ZPBP: variants seen among roughly 807,000 people sequenced by gnomAD.
ZPBP encodes zona pellucida-binding protein 1.
ZPBP carries 26 observed loss-of-function variants against 44.8 expected under a neutral mutation model. The observed-to-expected ratio is 0.58, with a 90% CI of 0.43 to 0.81. The LOEUF is 0.81. Among genes scored for constraint, ZPBP ranks in the 30% least tolerant of loss-of-function variants. The pLI is 0.00. For missense variants in ZPBP, 409 were observed against 434.0 expected, an observed-to-expected ratio of 0.94 and a Z score of 0.51; for synonymous variants, 174 against 153.2, an observed-to-expected ratio of 1.14 and a Z score of -1.00.
At chr7:49,969,255 T>C (rs898345497) in intron 7 of ZPBP, among the ~76,000 whole-genome samples, 19 of 149,832 alleles carry the variant, frequency 1.3e-4, no homozygotes, top group African/African-American at 4.4e-4. Context: ...TAAATGTTCT[T>C]GTAGTTGCCC....
intron 1 of ZPBP, among the ~76,000 whole-genome samples, chr7:49,908,277 A>C (rs956251144): frequency 1.3e-5 from 2 of 152,156 alleles, no homozygotes; most frequent in African/African-American, 2.4e-5. Flanking sequence ...CAACGCCTAC[A>C]TTTCATCATG....
chr7:50,061,722 A>G (rs981115728), intron 3 of ZPBP, among the ~76,000 whole-genome samples: 2 of 152,168 alleles, frequency 1.3e-5, no homozygotes, highest in African/African-American at 2.4e-5. Flanking sequence ...ATGCATTTCA[A>G]TGAAATCACT....
rs80045542 is a variant in ZPBP, at chr7:50,079,894, C to T, written c.334+1880G>A. Among the ~76,000 whole-genome samples the T allele has an allele frequency of 1.6e-3, 236 of 151,606 alleles. 1 individual carries two copies. The highest frequency in any genetic ancestry group is 5.6e-3 in the African/African-American group (232 of 41,442). ...AGTATTAGGGTCAGAGTGGGAGGTACAGAACTTGTTGCAATAAATGCAATT... is the reference window on the plus strand; with the variant it reads ...AGTATTAGGGTCAGAGTGGGAGGTATAGAACTTGTTGCAATAAATGCAATT... On this transcript the variant is annotated intron_variant, in intron 3 of 7. Transcript: ENST00000046087.
At chr7:50,068,731 G>A (rs538813590) in intron 3 of ZPBP, among the ~76,000 whole-genome samples, 4 of 152,248 alleles carry the variant, frequency 2.6e-5, no homozygotes, top group African/African-American at 9.6e-5. Context: ...CACCTATGGA[G>A]CTTCTAACTT....
chr7:50,063,396 G>T (rs540866903), intron 3 of ZPBP, among the ~76,000 whole-genome samples: 2 of 152,308 alleles, frequency 1.3e-5, no homozygotes, highest in African/African-American at 4.8e-5. Flanking sequence ...TCTTTGCGGA[G>T]CTGAGCTTTT....
chr7:50,008,776 G>C (rs1798429486), intron 6 of ZPBP, among the ~76,000 whole-genome samples: 2 of 152,064 alleles, frequency 1.3e-5, no homozygotes, highest in Admixed American at 6.6e-5. Context: ...AAAGATGAAT[G>C]CCTTCCCCAT....
At chr7:49,874,352 A>T (rs1177624374) in intron 2 of ZPBP, among the ~76,000 whole-genome samples, 1 of 152,218 alleles carries the variant, frequency 6.6e-6, no homozygotes, top group Non-Finnish European at 1.5e-5. Flanking sequence ...AGCTGCCTAC[A>T]GTATTCAGTA....
chr7:50,027,531 A>G (rs1584073265), intron 5 of ZPBP, among the ~76,000 whole-genome samples: 3 of 152,210 alleles, frequency 2.0e-5, no homozygotes, highest in South Asian at 4.1e-4. Context: ...AAAGATTTCA[A>G]ATCAATTACT....
intron 4 of ZPBP, among the ~76,000 whole-genome samples, chr7:50,047,862 G>A (rs1002391503): frequency 6.6e-6 from 1 of 152,102 alleles, no homozygotes; most frequent in Non-Finnish European, 1.5e-5. Flanking sequence ...TTGGAACAGA[G>A]GCCCAGTGGG....
intron 3 of ZPBP, among the ~76,000 whole-genome samples, chr7:50,059,910 C>T (rs552939923): frequency 2.4e-4 from 36 of 152,146 alleles, no homozygotes; most frequent in African/African-American, 8.7e-4. Context: ...GCAAGAGCAT[C>T]TCCCACCAAG....
At chr7:49,938,726 G>T (rs1293234706) in intron 7 of ZPBP, among the ~76,000 whole-genome samples, 1 of 152,028 alleles carries the variant, frequency 6.6e-6, no homozygotes, top group Non-Finnish European at 1.5e-5. Context: ...TTTTCCTGTT[G>T]CAAATGTGGT....
chr7:49,997,159 A>G (rs572036890), intron 6 of ZPBP, among the ~76,000 whole-genome samples: 24 of 152,344 alleles, frequency 1.6e-4, no homozygotes, highest in African/African-American at 5.0e-4. Flanking sequence ...AATTGACTTC[A>G]GCATTCCAAT....
rs7806886 is a variant in ZPBP, at chr7:49,980,652, T to C, written c.961+2690A>G. Among the ~76,000 whole-genome samples, 706 of 151,994 alleles carry C rather than the reference T, an allele frequency of 4.6e-3. 4 individuals carry two copies. The highest frequency in any genetic ancestry group is 0.016 in the African/African-American group (668 of 41,464). On this transcript the variant is annotated intron_variant, in intron 7 of 7. Transcript: ENST00000046087. ...GGGGCAGGTGCCAGCCTCTTTTGTATAGCCAGCTCTCACAGGAACTAACAG... is the reference window on the plus strand; with the variant it reads ...GGGGCAGGTGCCAGCCTCTTTTGTACAGCCAGCTCTCACAGGAACTAACAG...
At chr7:50,046,828 A>C (rs1414556170) in intron 4 of ZPBP, among the ~76,000 whole-genome samples, 3 of 152,220 alleles carry the variant, frequency 2.0e-5, no homozygotes, top group Non-Finnish European at 2.9e-5. Flanking sequence ...TCATTCTACT[A>C]TAAAGACACA....
At chr7:50,033,586 A>G (rs1345104407) in intron 4 of ZPBP, among the ~76,000 whole-genome samples, 1 of 152,200 alleles carries the variant, frequency 6.6e-6, no homozygotes, top group African/African-American at 2.4e-5. Context: ...CCTAAACTGG[A>G]GAGGATTTTA....
intron 1 of ZPBP, among the ~76,000 whole-genome samples, chr7:49,903,033 A>G (rs1792859885): frequency 6.6e-6 from 1 of 152,226 alleles, no homozygotes; most frequent in Admixed American, 6.5e-5. Context: ...ATCACCCGCC[A>G]CTAGGGAAAT....
Position 50,080,094 on chromosome 7 carries a change from A to T in ZPBP, c.334+1680T>A, listed in dbSNP as rs1802286160. The stretch of plus-strand genomic sequence containing the variant: ...ATTTATTTGGCTCAAATCAAGGGAA[A>T]CTATCTTTGAGATATCCATAAAATG... On this transcript the variant is annotated intron_variant, in intron 3 of 7. Transcript: ENST00000046087. Among the ~76,000 whole-genome samples the T allele has an allele frequency of 2.6e-5, 4 of 151,848 alleles. 1 individual carries two copies. The South Asian group carries it at 8.3e-4, about 31-fold the overall frequency.
At chr7:49,917,724 A>C (rs542982365) in intron 1 of ZPBP, 2 of 152,272 alleles carry the variant, frequency 1.3e-5, no homozygotes, top group Admixed American at 1.3e-4. Flanking sequence ...TATACATTAA[A>C]GTGTATTTAG....
intron 1 of ZPBP, among the ~76,000 whole-genome samples, chr7:49,931,834 C>T (rs1356218944): frequency 6.6e-6 from 1 of 152,210 alleles, no homozygotes; most frequent in African/African-American, 2.4e-5. Context: ...GTTTTGTGGG[C>T]AAGGCCTAGG....
Sources: allele counts gnomAD v4.1 joint callset (sites outside exome capture counted in the v4.1 genomes callset), GRCh38; gene constraint gnomAD v4.1.1; transcripts MANE v1.5; gene names NCBI Gene and HGNC (gene_info 2026-07-23, HGNC 2026-07-21).